AGPAT4: variants seen among roughly 807,000 people sequenced by gnomAD.
AGPAT4 encodes the protein 1-acylglycerol-3-phosphate O-acyltransferase 4.
AGPAT4 carries 15 observed loss-of-function variants against 48.0 expected under a neutral mutation model. That is an observed-to-expected ratio of 0.31 (90% CI 0.21 to 0.48). The LOEUF is 0.48. Ranked by LOEUF, AGPAT4 falls within the 20% of genes least tolerant of loss-of-function variation. AGPAT4 has a pLI of 0.99. For synonymous variants in AGPAT4, 178 were observed against 198.7 expected, an observed-to-expected ratio of 0.90 and a Z score of 0.88; for missense variants, 314 against 482.5, an observed-to-expected ratio of 0.65 and a Z score of 3.27.
At chr6:161,167,093 G>A (rs1780121887) in intron 2 of AGPAT4, among the ~76,000 whole-genome samples, 1 of 152,222 alleles carries the variant, frequency 6.6e-6, no homozygotes, top group Non-Finnish European at 1.5e-5. Context: ...CAATCTGGCA[G>A]GCTCAGGAAA....
intron 2 of AGPAT4, among the ~76,000 whole-genome samples, chr6:161,186,523 C>T (rs1340989650): frequency 2.0e-5 from 3 of 152,146 alleles, no homozygotes; most frequent in African/African-American, 7.2e-5. Flanking sequence ...TCCTCCCTTC[C>T]ATCTCCAGCA....
In AGPAT4 at chr6:161,195,261, C is replaced by T. The variant is rs12524665; in HGVS notation, c.179-28844G>A. On this transcript the variant is annotated intron_variant, in intron 2 of 8. Coordinates refer to ENST00000320285, the MANE Select transcript of AGPAT4 (RefSeq NM_020133.3). This position sits in a 1 kb window ranked among gnomAD's most constrained non-coding sequence, Gnocchi z 5.0. ...GATAATTCAAGACAAGAAACTGGCA[C>T]CTATTTTCAGGGTAAGAGTCCAGCT... Among the ~76,000 whole-genome samples, 12,508 of 152,254 alleles carry T rather than the reference C, an allele frequency of 0.082. 645 individuals carry two copies. The highest frequency in any genetic ancestry group is 0.12 in the Non-Finnish European group (8,309 of 68,012).
chr6:161,157,387 A>G (rs1024760411), intron 3 of AGPAT4, among the ~76,000 whole-genome samples: 1 of 152,204 alleles, frequency 6.6e-6, no homozygotes, highest in African/African-American at 2.4e-5. Flanking sequence ...ATCTTGGCTC[A>G]CTGCAACCTC....
In AGPAT4 at chr6:161,197,213, G is replaced by A. The variant is rs1208831632; in HGVS notation, c.179-30796C>T. 2.0e-5 allele frequency among the ~76,000 whole-genome samples: 3 copies of A among 152,140 alleles called. No homozygotes were observed. The highest frequency in any genetic ancestry group is 2.1e-4 in the South Asian group (1 of 4,822). On this transcript the variant is annotated intron_variant, in intron 2 of 8. Transcript: ENST00000320285. The surrounding 1 kb of genome is among the most constrained non-coding windows in gnomAD (Gnocchi z 5.7). ...CTTTTCCCTTTGGCCTTCTCCGAAC[G>A]TTGAATGTGCTAATGGACAGTGAGC...
At position 161,226,657 on chromosome 6, in the gene AGPAT4, G is replaced by A. The variant is rs1467593959; in HGVS notation, c.178+5379C>T. The stretch of plus-strand genomic sequence containing the variant: ...GCAGCCAGGCAGGGCTGGAGAGCTA[G>A]GTTCACTTTGTATAAAATTTTAACA... On this transcript the variant is annotated intron_variant, in intron 2 of 8. Coordinates refer to ENST00000320285, the MANE Select transcript of AGPAT4 (RefSeq NM_020133.3). The surrounding 1 kb of genome is among the most constrained non-coding windows in gnomAD (Gnocchi z 6.3). Among the ~76,000 whole-genome samples the A allele has an allele frequency of 1.3e-5, 2 of 152,220 alleles. No homozygotes were observed. The highest frequency in any genetic ancestry group is 4.8e-5 in the African/African-American group (2 of 41,468).
In AGPAT4 at chr6:161,147,207, C is replaced by G. The variant is rs1779457045; in HGVS notation, c.768-608G>C. ...TCTTCCCCAGGCTCCATGGCTCAGA[C>G]AGGGGTCTTGAGTCACTGTGCACCA... On this transcript the variant is annotated intron_variant, in intron 6 of 8. Transcript: ENST00000320285. The surrounding 1 kb of genome is among the most constrained non-coding windows in gnomAD (Gnocchi z 4.8). 6.6e-6 allele frequency among the ~76,000 whole-genome samples: 1 copy of G among 152,094 alleles called. No individual in the cohort carries two copies. The highest frequency in any genetic ancestry group is 2.4e-5 in the African/African-American group (1 of 41,432).
At chr6:161,163,397 TG>T (rs1779993724) in intron 3 of AGPAT4, among the ~76,000 whole-genome samples, 1 of 151,984 alleles carries the variant, frequency 6.6e-6, no homozygotes, top group South Asian at 2.1e-4. Flanking sequence ...TGAATGAGGT[TG>T]TTTTTTTTTT....
rs1250754163 is a variant in AGPAT4, at chr6:161,232,247, C to A, written c.-34G>T. 1.3e-6 allele frequency: 2 copies of A among 1,587,398 alleles called. No homozygotes were observed. The highest frequency in any genetic ancestry group is 8.6e-7 in the Non-Finnish European group (1 of 1,163,218). ...GACGCTCTTATTCAGAAATAAATAA[C>A]TACCCACAGTCAAAGATTTCCAGAA... On this transcript the variant is annotated 5_prime_UTR_variant, in exon 2 of 9. Transcript: ENST00000320285. This position sits in a 1 kb window ranked among gnomAD's most constrained non-coding sequence, Gnocchi z 6.8.
At position 161,240,152 on chromosome 6, in the gene AGPAT4, C is replaced by T. The variant is rs1213624856; in HGVS notation, c.-89-7850G>A. On this transcript the variant is annotated intron_variant, in intron 1 of 8. Transcript: ENST00000320285. This position sits in a 1 kb window ranked among gnomAD's most constrained non-coding sequence, Gnocchi z 5.5. ...CAAAATCATGTGGAGAAAATAATCA[C>T]AACTCTAAAAAAAAAACCGGAAGAA... Among the ~76,000 whole-genome samples, 1 of 150,772 alleles carries T rather than the reference C, an allele frequency of 6.6e-6. No homozygotes were observed. Among genetic ancestry groups the T allele is most frequent in the Non-Finnish European group, 1.5e-5 (1 of 67,760 alleles).
intron 2 of AGPAT4, among the ~76,000 whole-genome samples, chr6:161,230,060 A>G (rs1386613964): frequency 6.6e-6 from 1 of 152,196 alleles, no homozygotes; most frequent in African/African-American, 2.4e-5. Context: ...TTAATTTGTG[A>G]TGGATAAAAA....
intron 1 of AGPAT4, among the ~76,000 whole-genome samples, chr6:161,252,565 T>G (rs562979172): frequency 6.6e-6 from 1 of 152,218 alleles, no homozygotes; most frequent in Admixed American, 6.5e-5. Context: ...AGCTCACGCC[T>G]ATAGTCCCAG....
rs1779294280 is a variant in AGPAT4, at chr6:161,142,736, G to A, written c.844-3116C>T. 6.8e-6 allele frequency among the ~76,000 whole-genome samples: 1 copy of A among 147,254 alleles called. No homozygotes were observed. The highest frequency in any genetic ancestry group is 2.1e-4 in the South Asian group (1 of 4,832). ...AGAGAGGAAGAAGCGGCTCCTCTTA[G>A]TCAGCAAGTCTGGGCGGGGAGAGGC... is the stretch of plus-strand genomic sequence containing the variant. On this transcript the variant is annotated intron_variant, in intron 7 of 8. Coordinates refer to ENST00000320285, the MANE Select transcript of AGPAT4 (RefSeq NM_020133.3). The surrounding 1 kb of genome is among the most constrained non-coding windows in gnomAD (Gnocchi z 6.4).
Position 161,233,014 on chromosome 6 carries a change from G to C in AGPAT4, c.-89-712C>G, listed in dbSNP as rs1459494873. ...AGGTACACGAGGGCTCAACTTTGAG[G>C]CTATCAGTAAATACAAATAACTAGG... On this transcript the variant is annotated intron_variant, in intron 1 of 8. Transcript: ENST00000320285. This position sits in a 1 kb window ranked among gnomAD's most constrained non-coding sequence, Gnocchi z 5.4. Among the ~76,000 whole-genome samples, 1 of 151,864 alleles carries C rather than the reference G, an allele frequency of 6.6e-6. No homozygotes were observed. Among genetic ancestry groups the C allele is most frequent in the Non-Finnish European group, 1.5e-5 (1 of 67,974 alleles).
rs1414798359 is a variant in AGPAT4 at position 161,177,605 on chromosome 6, C to T, written c.179-11188G>A. Among the ~76,000 whole-genome samples, 1 of 152,144 alleles carries T rather than the reference C, an allele frequency of 6.6e-6. No homozygotes were observed. Among genetic ancestry groups the T allele is most frequent in the Non-Finnish European group, 1.5e-5 (1 of 68,040 alleles). Reference sequence around the variant, plus strand: ...TTGGTTCAAACATCCTCCTTTAGCTCGGAGAAGTTTGTTATTACTGATCGT... The same window carrying T: ...TTGGTTCAAACATCCTCCTTTAGCTTGGAGAAGTTTGTTATTACTGATCGT... On this transcript the variant is annotated intron_variant, in intron 2 of 8. Transcript: ENST00000320285. The surrounding 1 kb of genome is among the most constrained non-coding windows in gnomAD (Gnocchi z 5.0).
Position 161,225,191 on chromosome 6 carries a change from C to G in AGPAT4, c.178+6845G>C, listed in dbSNP as rs1781942415. Among the ~76,000 whole-genome samples, 1 of 152,196 alleles carries G rather than the reference C, an allele frequency of 6.6e-6. No individual in the cohort carries two copies. Among genetic ancestry groups the G allele is most frequent in the African/African-American group, 2.4e-5 (1 of 41,450 alleles). The stretch of plus-strand genomic sequence containing the variant: ...GACTCATTCCAATTACCTACTCTAC[C>G]CTGACTCATTCTGATTCCGTCCCCT... On this transcript the variant is annotated intron_variant, in intron 2 of 8. Coordinates refer to ENST00000320285, the MANE Select transcript of AGPAT4 (RefSeq NM_020133.3). This position sits in a 1 kb window ranked among gnomAD's most constrained non-coding sequence, Gnocchi z 5.0.
At chr6:161,181,232 G>A (rs1353021328) in intron 2 of AGPAT4, among the ~76,000 whole-genome samples, 9 of 152,170 alleles carry the variant, frequency 5.9e-5, no homozygotes, top group South Asian at 4.1e-4. Flanking sequence ...AGCCCAATGC[G>A]TCTCTTGTGT....
At position 161,179,357 on chromosome 6, in the gene AGPAT4, C is replaced by T. The variant is rs370774703; in HGVS notation, c.179-12940G>A. Among the ~76,000 whole-genome samples, 41 of 152,202 alleles carry T rather than the reference C, an allele frequency of 2.7e-4. 1 individual carries two copies. The highest frequency in any genetic ancestry group is 1.9e-3 in the South Asian group (9 of 4,810). The stretch of plus-strand genomic sequence containing the variant: ...GATTATATAAAACATGATTGCAGTG[C>T]GGGGGGCTAGAGAAGGGAAATAAAA... On this transcript the variant is annotated intron_variant, in intron 2 of 8. Coordinates refer to ENST00000320285, the MANE Select transcript of AGPAT4 (RefSeq NM_020133.3).
In AGPAT4 at chr6:161,180,263, T is replaced by C. The variant is rs3798924; in HGVS notation, c.179-13846A>G. Among the ~76,000 whole-genome samples, 40,149 of 152,100 alleles carry C rather than the reference T, an allele frequency of 0.26. 5,597 individuals are homozygous for C. The highest frequency in any genetic ancestry group is 0.35 in the African/African-American group (14,375 of 41,476). ...GGCTCCTGCTCCTTCCTCGCTCCAG[T>C]GGGTGGGCCCAGCTCCTCTCTGCAG... On this transcript the variant is annotated intron_variant, in intron 2 of 8. Coordinates refer to ENST00000320285, the MANE Select transcript of AGPAT4 (RefSeq NM_020133.3). This position sits in a 1 kb window ranked among gnomAD's most constrained non-coding sequence, Gnocchi z 6.4.
chr6:161,150,248 G>A (rs1204713133), intron 5 of AGPAT4, among the ~76,000 whole-genome samples: 1 of 152,202 alleles, frequency 6.6e-6, no homozygotes, highest in African/African-American at 2.4e-5. Flanking sequence ...CAGACGGTAG[G>A]AGGAACGGGT....
Sources: allele counts gnomAD v4.1 joint callset (sites outside exome capture counted in the v4.1 genomes callset), GRCh38; gene constraint gnomAD v4.1.1; non-coding constraint Gnocchi (gnomAD v3.1); transcripts MANE v1.5; gene names NCBI Gene and HGNC (gene_info 2026-07-23, HGNC 2026-07-21).